The following ENC1 variants were observed in gnomAD, a reference collection of about 807,000 sequenced individuals.
ENC1 encodes the protein ectodermal-neural cortex 1, also known as ectoderm-neural cortex protein 1.
A neutral mutation model predicts 40.9 loss-of-function variants in ENC1; 19 were observed. The observed-to-expected ratio is 0.46, with a 90% CI of 0.32 to 0.68. The LOEUF is 0.68. Among genes scored for constraint, ENC1 ranks in the 30% least tolerant of loss-of-function variants. ENC1 has a pLI of 0.03. For missense variants in ENC1, 479 were observed against 737.5 expected (o/e 0.65, Z 4.06); for synonymous variants, 285 against 291.1 (o/e 0.98, Z 0.21).
At position 74,637,759 on chromosome 5, in the gene ENC1, T is replaced by A. The variant is rs1197104676; in HGVS notation, c.-13-1261A>T. On this transcript the variant is annotated intron_variant, in intron 1 of 2. Transcript: ENST00000302351. ...CTTTATTTAAATCAAAAAATACGTG[T>A]GTGTGTGTGTGTGTGTGTGTGTGTG... 4.7e-4 allele frequency: 4 copies of A among 8,466 alleles called. No individual in the cohort carries two copies. In the South Asian group the frequency reaches 4.8e-3, roughly 10 times the overall value. 0.5% of individuals were successfully genotyped at this position (8,466 alleles called of 1,614,324 possible).
At chr5:74,630,693 A>T (rs1436726561) in intron 2 of ENC1, among the ~76,000 whole-genome samples, 1 of 152,212 alleles carries the variant, frequency 6.6e-6, no homozygotes, top group African/African-American at 2.4e-5. Context: ...TCAAGTGTGA[A>T]TATCAATTCA....
Position 74,636,438 on chromosome 5 carries a change from G to T in ENC1, c.48C>A (p.Gly16=), listed in dbSNP as rs150725748. ...TGTGAAACAGATAGATGTTAATGGAGCCGCTGCTGGCCCTGGACTTGCGGT... is the reference window on the plus strand; with the variant it reads ...TGTGAAACAGATAGATGTTAATGGATCCGCTGCTGGCCCTGGACTTGCGGT... ...HENRKSRASS[G]SINIYLFHKS... is the part of the protein sequence containing the mutation. Residue 16 remains glycine (G), a synonymous_variant, in exon 2 of 3, where the codon GGC becomes GGA. Transcript: ENST00000302351. This position sits in a 1 kb window ranked among gnomAD's most constrained non-coding sequence, Gnocchi z 4.8. 4.3e-6 allele frequency: 7 copies of T among 1,613,462 alleles called. No homozygotes were observed. In the African/African-American group the frequency reaches 9.3e-5, roughly 22 times the overall value.
Position 74,636,460 on chromosome 5 carries a change from C to T in ENC1, c.26G>A (p.Arg9His), listed in dbSNP as rs984538252. ...GGAGCCGCTGCTGGCCCTGGACTTGCGGTTCTCATGCACACTGACTGACAT... is the reference window on the plus strand; with the variant it reads ...GGAGCCGCTGCTGGCCCTGGACTTGTGGTTCTCATGCACACTGACTGACAT... MSVSVHEN[R>H]KSRASSGSIN... is the part of the protein sequence containing the mutation. Residue 9 changes from arginine (R) to histidine (H), a missense_variant, in exon 2 of 3, where the codon CGC becomes CAC. Physicochemically the swap from Arg to His is conservative, Grantham distance 29. Coordinates refer to ENST00000302351, the MANE Select transcript of ENC1 (RefSeq NM_003633.4). The surrounding 1 kb of genome is among the most constrained non-coding windows in gnomAD (Gnocchi z 4.8). 1.2e-6 allele frequency: 2 copies of T among 1,611,356 alleles called. No individual in the cohort carries two copies. Among genetic ancestry groups the T allele is most frequent in the East Asian group, 2.2e-5 (1 of 44,810 alleles).
chr5:74,631,056 T>C (rs1399550297), intron 2 of ENC1, among the ~76,000 whole-genome samples: 1 of 151,938 alleles, frequency 6.6e-6, no homozygotes, highest in Non-Finnish European at 1.5e-5. Context: ...GCCAAAAGAA[T>C]GTATCTTATA....
chr5:74,630,422 G>GAGAT (rs1747353774), intron 2 of ENC1, among the ~76,000 whole-genome samples: 1 of 152,238 alleles, frequency 6.6e-6, no homozygotes, highest in Non-Finnish European at 1.5e-5. Flanking sequence ...GAAAAGAAGG[G>GAGAT]AGATTCCTGT....
rs759964102 is a variant in ENC1 at position 74,635,955 on chromosome 5, T to C, written c.531A>G (p.Gln177=). Residue 177 remains glutamine (Q), a synonymous_variant, in exon 2 of 3, where the codon CAA becomes CAG. Coordinates refer to ENST00000302351, the MANE Select transcript of ENC1 (RefSeq NM_003633.4). The surrounding 1 kb of genome is among the most constrained non-coding windows in gnomAD (Gnocchi z 5.5). Reference sequence around the variant, plus strand: ...GGAAATCTTCATTCTTCCTGATGGTTTGGAAGTTGCTGAGACACATTCTCC... The same window carrying C: ...GGAAATCTTCATTCTTCCTGATGGTCTGGAAGTTGCTGAGACACATTCTCC... ...LSWRMCLSNF[Q]TIRKNEDFLQ... The C allele has an allele frequency of 1.2e-6, 2 of 1,614,102 alleles. No individual in the cohort carries two copies. Among genetic ancestry groups the C allele is most frequent in the East Asian group, 2.2e-5 (1 of 44,878 alleles).
intron 2 of ENC1, among the ~76,000 whole-genome samples, chr5:74,630,696 T>A (rs1320620751): frequency 6.6e-6 from 1 of 152,210 alleles, no homozygotes; most frequent in Non-Finnish European, 1.5e-5. Context: ...AGTGTGAATA[T>A]CAATTCAAAG....
intron 1 of ENC1, among the ~76,000 whole-genome samples, chr5:74,638,722 G>C (rs948976297): frequency 1.3e-5 from 2 of 152,176 alleles, no homozygotes; most frequent in Non-Finnish European, 2.9e-5. Flanking sequence ...ATTCAATCTG[G>C]AGTATCTGGA....
rs1039068030 is a variant in ENC1 at position 74,634,989 on chromosome 5, A to G, written c.1497T>C (p.Gly499=). The part of the protein sequence containing the change: ...VLGNQIFIMG[G]DTEFSACSAY... ...CAGAGCAGGCAGAGAATTCTGTATCACCCCCCATAATAAAAATCTGGTTCC... is the reference window on the plus strand; with the variant it reads ...CAGAGCAGGCAGAGAATTCTGTATCGCCCCCCATAATAAAAATCTGGTTCC... The change falls in exon 2 of 3, where the codon GGT becomes GGC. Residue 499 remains glycine (G), a synonymous_variant. Transcript: ENST00000302351. The G allele has an allele frequency of 5.0e-6, 8 of 1,613,898 alleles. No homozygotes were observed. The highest frequency in any genetic ancestry group is 6.8e-6 in the Non-Finnish European group (8 of 1,179,994).
chr5:74,633,901 G>C (rs1267725043), intron 2 of ENC1, among the ~76,000 whole-genome samples: 1 of 152,214 alleles, frequency 6.6e-6, no homozygotes, highest in Admixed American at 6.5e-5. Flanking sequence ...CCACGGGGTT[G>C]TTGTGAGGAT....
At chr5:74,630,634 C>G (rs906295552) in intron 2 of ENC1, among the ~76,000 whole-genome samples, 1 of 152,176 alleles carries the variant, frequency 6.6e-6, no homozygotes, top group East Asian at 1.9e-4. Flanking sequence ...TCAGTCCACA[C>G]GTAGGTGCCA....
At position 74,635,526 on chromosome 5, in the gene ENC1, G is replaced by A. The variant is rs762531664; in HGVS notation, c.960C>T (p.Ile320=). The A allele has an allele frequency of 1.2e-6, 2 of 1,614,212 alleles. No individual in the cohort carries two copies. The highest frequency in any genetic ancestry group is 1.6e-4 in the Middle Eastern group (1 of 6,062). ...LYLVDQKAKE[I]IPKADIPSPR... ...GGCTGGGAATGTCAGCCTTGGGAAT[G>A]ATTTCTTTGGCCTTCTGGTCTACCA... The change falls in exon 2 of 3, where the codon ATC becomes ATT. Residue 320 remains isoleucine (I), a synonymous_variant. Transcript: ENST00000302351. This position sits in a 1 kb window ranked among gnomAD's most constrained non-coding sequence, Gnocchi z 5.5.
chr5:74,634,994 C>T lies in ENC1; in HGVS notation c.1492G>A (p.Gly498Arg). 1 of 1,614,202 alleles carries T rather than the reference C, an allele frequency of 6.2e-7. No individual in the cohort carries two copies. The highest frequency in any genetic ancestry group is 8.5e-7 in the Non-Finnish European group (1 of 1,180,040). The change falls in exon 2 of 3, where the codon GGG (glycine) becomes AGG (arginine). Residue 498 changes from glycine (G) to arginine (R), a missense_variant. By Grantham distance (125) the Gly-to-Arg change is moderately radical. Coordinates refer to ENST00000302351, the MANE Select transcript of ENC1 (RefSeq NM_003633.4). The stretch of plus-strand genomic sequence containing the variant: ...CAGGCAGAGAATTCTGTATCACCCC[C>T]CATAATAAAAATCTGGTTCCCCAGC... Reference protein sequence around the residue: ...AVLGNQIFIMGGDTEFSACSA... With the variant: ...AVLGNQIFIMRGDTEFSACSA...
chr5:74,632,252 A>C (rs1747419250), intron 2 of ENC1: 1 of 152,200 alleles, frequency 6.6e-6, no homozygotes, highest in Admixed American at 6.5e-5. Flanking sequence ...CACCCAACTA[A>C]GTGTGCTGTT....
intron 1 of ENC1, among the ~76,000 whole-genome samples, chr5:74,639,725 T>C (rs1400115281): frequency 2.2e-5 from 2 of 92,234 alleles, no homozygotes; most frequent in Admixed American, 2.8e-4. Flanking sequence ...ATAAATTCAG[T>C]GTTTCATCTC....
At position 74,635,372 on chromosome 5, in the gene ENC1, C is replaced by A; in HGVS notation, c.1114G>T (p.Ala372Ser). 1 of 1,614,220 alleles carries A rather than the reference C, an allele frequency of 6.2e-7. No individual in the cohort carries two copies. The highest frequency in any genetic ancestry group is 1.7e-5 in the Admixed American group (1 of 60,028). The change falls in exon 2 of 3, where the codon GCC becomes TCC. Residue 372 changes from alanine to serine, a missense_variant. Transcript: ENST00000302351. This position sits in a 1 kb window ranked among gnomAD's most constrained non-coding sequence, Gnocchi z 5.5. The part of the protein sequence containing the change: ...DTLHEEWSKA[A>S]PMLVARFGHG... ...CCAAACCTGGCCACCAGCATGGGGG[C>A]AGCCTTGGACCACTCCTCGTGCAGG...
chr5:74,636,680 G>T lies in ENC1; in HGVS notation c.-13-182C>A, dbSNP rs1490537997. Among the ~76,000 whole-genome samples the T allele has an allele frequency of 6.6e-6, 1 of 151,412 alleles. No individual in the cohort carries two copies. The highest frequency in any genetic ancestry group is 6.6e-5 in the Admixed American group (1 of 15,202). ...CCAGAGACAACTACCCGGAAGGAAGGATATTCACTGCTAATACTGTTGAGC... is the reference window on the plus strand; with the variant it reads ...CCAGAGACAACTACCCGGAAGGAAGTATATTCACTGCTAATACTGTTGAGC... On this transcript the variant is annotated intron_variant, in intron 1 of 2. Coordinates refer to ENST00000302351, the MANE Select transcript of ENC1 (RefSeq NM_003633.4). The surrounding 1 kb of genome is among the most constrained non-coding windows in gnomAD (Gnocchi z 4.8).
At chr5:74,631,164 TA>T (rs5868747) in intron 2 of ENC1, among the ~76,000 whole-genome samples, 23,936 of 135,886 alleles carry the variant, frequency 0.18, 2,361 homozygotes, top group African/African-American at 0.3. Context: ...GGAACGATAA[TA>T]AAAAAAAAAA....
chr5:74,632,530 T>TG (rs981087069), intron 2 of ENC1, among the ~76,000 whole-genome samples: 1 of 152,112 alleles, frequency 6.6e-6, no homozygotes, highest in Non-Finnish European at 1.5e-5. Context: ...GTACGAAGGC[T>TG]GGAAGAGATA....
Sources: gnomAD v4.1 joint callset for allele counts (sites outside exome capture counted in the v4.1 genomes callset) on GRCh38, gnomAD v4.1.1 for gene constraint, Gnocchi (gnomAD v3.1) non-coding constraint, MANE v1.5 for transcripts, NCBI Gene and HGNC (gene_info 2026-07-23, HGNC 2026-07-21) for gene names.